The following XPC variants were observed in gnomAD, a reference collection of about 807,000 sequenced individuals.
XPC encodes XPC complex subunit, DNA damage recognition and repair factor.
XPC carries 76 observed loss-of-function variants against 95.8 expected under a neutral mutation model. That is an observed-to-expected ratio of 0.79 (90% CI 0.66 to 0.96). The LOEUF is 0.96. Ranked by LOEUF, XPC falls within the 40% of genes least tolerant of loss-of-function variation. The probability of loss-of-function intolerance (pLI) is 0.00; values close to 1 mark genes in which losing one functional copy is unlikely to be tolerated. For synonymous variants in XPC, 442 were observed against 442.1 expected (o/e 1.00, Z 0.00); for missense variants, 1,146 against 1,179.8 (o/e 0.97, Z 0.42).
intron 3 of XPC, among the ~76,000 whole-genome samples, chr3:14,168,664 C>T (rs1696489675): frequency 6.6e-6 from 1 of 151,830 alleles, no homozygotes; most frequent in Non-Finnish European, 1.5e-5. Context: ...GATACAGACC[C>T]CTCTATCAAA....
intron 10 of XPC, 151 bp downstream of exon 10, chr3:14,156,184 A>G: frequency 2.2e-6 from 2 of 924,470 alleles, no homozygotes; most frequent in South Asian, 4.3e-5. Context: ...TCTCTCCTAC[A>G]CATCACACAC....
chr3:14,169,345 A>C (rs1246535579), intron 3 of XPC, among the ~76,000 whole-genome samples: 2 of 152,236 alleles, frequency 1.3e-5, no homozygotes, highest in African/African-American at 4.8e-5. Flanking sequence ...AGTTTACAAG[A>C]AATACAGGGG....
intron 10 of XPC, among the ~76,000 whole-genome samples, chr3:14,155,965 C>T (rs892165013): frequency 6.6e-6 from 1 of 152,206 alleles, no homozygotes; most frequent in East Asian, 1.9e-4. Flanking sequence ...CCAAACAGGG[C>T]TCTGTACCCA....
chr3:14,152,361 C>T lies in XPC; in HGVS notation c.2089G>A (p.Val697Met), dbSNP rs1315127557. The change falls in exon 11 of 16, where the codon GTG becomes ATG. Residue 697 changes from valine (V) to methionine (M), a missense_variant. Transcript: ENST00000285021. ...RDTWLKKARV[V>M]RLGEVPYKMV... ...TTGTAGGGTACTTCTCCAAGCCTCA[C>T]CACTCTTGCTTTCTTCAGCCACGTG... is the stretch of plus-strand genomic sequence containing the variant. 1.2e-6 allele frequency: 2 copies of T among 1,613,254 alleles called. No homozygotes were observed. The highest frequency in any genetic ancestry group is 1.3e-5 in the African/African-American group (1 of 74,912).
At chr3:14,151,559 C>T (rs986943865) in intron 11 of XPC, 15 of 152,134 alleles carry the variant, frequency 9.9e-5, no homozygotes, top group East Asian at 3.9e-4. Context: ...TCCCACTAAG[C>T]GGAGGCCCCT....
chr3:14,157,487 C>A (rs911086823), intron 9 of XPC, among the ~76,000 whole-genome samples: 1 of 152,072 alleles, frequency 6.6e-6, no homozygotes, highest in African/African-American at 2.4e-5. Flanking sequence ...CTGTCATGTT[C>A]TAGAAGTCTC....
intron 10 of XPC, among the ~76,000 whole-genome samples, chr3:14,154,822 TTA>T (rs1336242976): frequency 2.6e-4 from 6 of 22,890 alleles, no homozygotes; most frequent in South Asian, 3.0e-3. Flanking sequence ...ATAAATTTAT[TTA>T]TATATATAAA....
At chr3:14,171,651 C>A (rs1696617469) in intron 2 of XPC, among the ~76,000 whole-genome samples, 1 of 152,172 alleles carries the variant, frequency 6.6e-6, no homozygotes, top group Admixed American at 6.5e-5. Flanking sequence ...TCGACACCAA[C>A]ATGGTGGAAC....
chr3:14,178,489 G>A lies in XPC; in HGVS notation c.80C>T (p.Ala27Val). Residue 27 changes from alanine (A) to valine (V), a missense_variant, in exon 1 of 16, where the codon GCC (alanine) becomes GTC (valine). Transcript: ENST00000285021. ...RSQKSKAKSK[A>V]RREEEEEDAF... ...ACCCTCCTCCTCCTCCTCACGCCGG[G>A]CCTTGCTCTTGGCCTTGGATTTCTG... is the stretch of plus-strand genomic sequence containing the variant. 6.2e-7 allele frequency: 1 copy of A among 1,611,902 alleles called. No homozygotes were observed. Among genetic ancestry groups the A allele is most frequent in the Non-Finnish European group, 8.5e-7 (1 of 1,179,266 alleles).
chr3:14,157,708 T>C (rs1374324349), intron 9 of XPC, among the ~76,000 whole-genome samples: 1 of 152,198 alleles, frequency 6.6e-6, no homozygotes, highest in Non-Finnish European at 1.5e-5. Flanking sequence ...GTCTGAGTTA[T>C]ATTACTTGCA....
At chr3:14,147,810 G>T in intron 14 of XPC, 98 bp downstream of exon 14, 1 of 1,092,498 alleles carries the variant, frequency 9.2e-7, no homozygotes, top group Non-Finnish European at 1.3e-6. Flanking sequence ...GCTGGGAAGA[G>T]CCTGGGAGCA....
chr3:14,156,580 T>C (rs973608061), intron 9 of XPC, 85 bp from the exon 10 acceptor site: 110 of 1,585,004 alleles, frequency 6.9e-5, no homozygotes, highest in Non-Finnish European at 9.4e-5. Context: ...GACTAACTTG[T>C]TCTGACAACA....
At chr3:14,175,199 G>A (rs912075165) in intron 1 of XPC, among the ~76,000 whole-genome samples, 1 of 151,950 alleles carries the variant, frequency 6.6e-6, no homozygotes, top group African/African-American at 2.4e-5. Context: ...TGTTCTCTCT[G>A]CCTAGAACTC....
In XPC at chr3:14,167,131, A is replaced by C. The variant is rs534709658; in HGVS notation, c.621+38T>G. On this transcript the variant is annotated intron_variant, in intron 5 of 15. Coordinates refer to ENST00000285021, the MANE Select transcript of XPC (RefSeq NM_004628.5). Reference sequence around the variant, plus strand: ...CGGTGAGCACAAGCTCTTTGCACCGACAAGGAAAAGTCCTTCCCCATCATT... The same window carrying C: ...CGGTGAGCACAAGCTCTTTGCACCGCCAAGGAAAAGTCCTTCCCCATCATT... 2.6e-6 allele frequency: 4 copies of C among 1,524,566 alleles called. No homozygotes were observed. In the African/African-American group the frequency reaches 5.6e-5, roughly 21 times the overall value. 94.4% of individuals were successfully genotyped at this position (1,524,566 alleles called of 1,614,324 possible).
chr3:14,146,115 A>G lies in XPC; in HGVS notation c.2649T>C (p.Ser883=), dbSNP rs757547042. The G allele has an allele frequency of 6.2e-6, 10 of 1,611,712 alleles. No homozygotes were observed. Among genetic ancestry groups the G allele is most frequent in the Non-Finnish European group, 8.5e-6 (10 of 1,179,334 alleles). Residue 883 remains serine, a synonymous_variant, in exon 16 of 16, where the codon TCT becomes TCC. Coordinates refer to ENST00000285021, the MANE Select transcript of XPC (RefSeq NM_004628.5). ...AGCTGGTCCCCTCCTCTTCATCAGAAGAGAGTCCACCTCCTGCATCTGTGT... is the reference window on the plus strand; with the variant it reads ...AGCTGGTCCCCTCCTCTTCATCAGAGGAGAGTCCACCTCCTGCATCTGTGT... ...APHTDAGGGL[S]SDEEEGTSSQ... is the part of the protein sequence containing the mutation.
intron 2 of XPC, among the ~76,000 whole-genome samples, chr3:14,170,941 T>C (rs1696587052): frequency 6.6e-6 from 1 of 152,228 alleles, no homozygotes; most frequent in South Asian, 2.1e-4. Flanking sequence ...TCCATTTATA[T>C]ATCCTACTAT....
chr3:14,167,753 A>G (rs1362245608), intron 4 of XPC, among the ~76,000 whole-genome samples: 2 of 152,290 alleles, frequency 1.3e-5, no homozygotes, highest in East Asian at 3.9e-4. Flanking sequence ...TAATGTGCCC[A>G]TCGCACATTG....
intron 1 of XPC, among the ~76,000 whole-genome samples, chr3:14,176,895 G>GT (rs1163097512): frequency 5.9e-5 from 9 of 152,246 alleles, no homozygotes. Context: ...GAGGTCAGGA[G>GT]TTTGAGACCA....
At chr3:14,156,623 G>T in intron 9 of XPC, 128 bp from the exon 10 acceptor site, 1 of 1,304,666 alleles carries the variant, frequency 7.7e-7, no homozygotes, top group Non-Finnish European at 1.1e-6. Flanking sequence ...GAACACTAAT[G>T]GTTTTGTAAC....
Sources: allele counts gnomAD v4.1 joint callset (sites outside exome capture counted in the v4.1 genomes callset), GRCh38; gene constraint gnomAD v4.1.1; transcripts MANE v1.5; gene names NCBI Gene and HGNC (gene_info 2026-07-23, HGNC 2026-07-21).